The following SUMF1 variants were observed in gnomAD, a reference collection of about 807,000 sequenced individuals.
The protein encoded by SUMF1 is formylglycine-generating enzyme.
A neutral mutation model predicts 47.6 loss-of-function variants in SUMF1; 48 were observed. That is an observed-to-expected ratio of 1.01 (90% CI 0.80 to 1.28). The LOEUF is 1.28. SUMF1 is among the 50% of genes most tolerant of loss of function. The pLI is 0.00. For missense variants in SUMF1, 571 were observed against 485.4 expected, an observed-to-expected ratio of 1.18 and a Z score of -1.66; for synonymous variants, 230 against 192.1, an observed-to-expected ratio of 1.20 and a Z score of -1.63.
rs576560360 is a variant in SUMF1 at position 4,380,478 on chromosome 3, T to G, written c.955-4089A>C. On this transcript the variant is annotated intron_variant, in intron 7 of 8. Coordinates refer to ENST00000272902, the MANE Select transcript of SUMF1 (RefSeq NM_182760.4). The stretch of plus-strand genomic sequence containing the variant: ...CTGAAAAACTACATACTGAATATTA[T>G]GCTGATTACCTGGGTGACAAAATTA... Among the ~76,000 whole-genome samples the G allele has an allele frequency of 1.8e-4, 28 of 152,316 alleles. No individual in the cohort carries two copies. In the South Asian group the frequency reaches 5.6e-3, roughly 30 times the overall value.
chr3:4,283,535 A>C (rs1048918589), intron 8 of SUMF1, among the ~76,000 whole-genome samples: 1 of 152,226 alleles, frequency 6.6e-6, no homozygotes, highest in African/African-American at 2.4e-5. Flanking sequence ...ACAAATTACA[A>C]TAACCTAAGT....
intron 8 of SUMF1, among the ~76,000 whole-genome samples, chr3:4,097,632 G>C (rs947921073): frequency 6.6e-6 from 1 of 152,000 alleles, no homozygotes; most frequent in Admixed American, 6.6e-5. Flanking sequence ...AATTCACAAC[G>C]CATGTGTTCT....
At chr3:4,294,385 AG>A (rs1466485560) in intron 8 of SUMF1, among the ~76,000 whole-genome samples, 2 of 152,194 alleles carry the variant, frequency 1.3e-5, no homozygotes, top group East Asian at 1.9e-4. Context: ...CAACACTGCA[AG>A]ACCCTATCTC....
At chr3:4,061,215 G>A (rs1296475703) in intron 9 of SUMF1, among the ~76,000 whole-genome samples, 1 of 152,062 alleles carries the variant, frequency 6.6e-6, no homozygotes, top group Non-Finnish European at 1.5e-5. Flanking sequence ...GGTTTCTTTT[G>A]AATAAACATA....
rs559121030 is a variant in SUMF1 at position 4,077,100 on chromosome 3, A to T, written c.1015-8355T>A. Among the ~76,000 whole-genome samples, 167 of 152,228 alleles carry T rather than the reference A, an allele frequency of 1.1e-3. 1 individual carries two copies. Among genetic ancestry groups the T allele is most frequent in the Admixed American group, 1.5e-3 (23 of 15,296 alleles). ...TTAGAGAAGTGCAAATCAAAACCAC[A>T]CTGAGATACCATCTCACACCAGTTA... is the stretch of plus-strand genomic sequence containing the variant. On this transcript the variant is annotated intron_variant and NMD_transcript_variant, in intron 8 of 12. Coordinates refer to the SUMF1 transcript ENST00000448413.
intron 8 of SUMF1, chr3:4,313,188 A>T: frequency 6.2e-7 from 1 of 1,614,074 alleles, no homozygotes; most frequent in Non-Finnish European, 8.5e-7. Flanking sequence ...CGCATAAAAA[A>T]GGCTGGGGAC....
intron 9 of SUMF1, among the ~76,000 whole-genome samples, chr3:4,051,103 T>C (rs1269801210): frequency 2.0e-5 from 3 of 147,502 alleles, no homozygotes; most frequent in African/African-American, 5.0e-5. Flanking sequence ...CAGGGCTAAA[T>C]ATACTACATT....
chr3:4,240,704 G>T (rs548821479), intron 8 of SUMF1, among the ~76,000 whole-genome samples: 1 of 151,896 alleles, frequency 6.6e-6, no homozygotes, highest in African/African-American at 2.4e-5. Context: ...TTCATAAAAT[G>T]TTATAAAGCT....
intron 3 of SUMF1, among the ~76,000 whole-genome samples, chr3:4,446,927 C>T (rs1702801089): frequency 1.3e-5 from 2 of 152,194 alleles, no homozygotes; most frequent in Admixed American, 1.3e-4. Context: ...CAAGATTAAA[C>T]TTTGCATGTA....
At chr3:4,310,078 T>C (rs146886679) in intron 8 of SUMF1, among the ~76,000 whole-genome samples, 177 of 152,346 alleles carry the variant, frequency 1.2e-3, no homozygotes, top group South Asian at 2.3e-3. Flanking sequence ...GCAGTGGTGT[T>C]TGTGTATCTA....
rs561860338 is a variant in SUMF1, at chr3:4,212,116, C to T, written c.1015-143371G>A. ...TTGTCTCTTCAAGTGGGTCCCTGAC[C>T]GCCGTGTATCCTGACTGGGAGACAC... is the stretch of plus-strand genomic sequence containing the variant. On this transcript the variant is annotated intron_variant and NMD_transcript_variant, in intron 8 of 12. Transcript: ENST00000448413. 1.2e-4 allele frequency among the ~76,000 whole-genome samples: 18 copies of T among 152,258 alleles called. 1 individual carries two copies. The South Asian group carries it at 2.1e-3, about 18-fold the overall frequency.
Position 4,454,458 on chromosome 3 carries a change from T to C in SUMF1, c.271-1409A>G, listed in dbSNP as rs76255927. Reference sequence around the variant, plus strand: ...AAGTGCTGATGAGGATGTGAAGAAATTGGAACCCTCACATATTGCTGGTAG... The same window carrying C: ...AAGTGCTGATGAGGATGTGAAGAAACTGGAACCCTCACATATTGCTGGTAG... On this transcript the variant is annotated intron_variant, in intron 1 of 8. Transcript: ENST00000272902. 1.5e-3 allele frequency among the ~76,000 whole-genome samples: 234 copies of C among 152,310 alleles called. 4 individuals are homozygous for C. In the East Asian group the frequency reaches 0.04, roughly 26 times the overall value.
intron 6 of SUMF1, among the ~76,000 whole-genome samples, chr3:4,412,382 A>T (rs1331136924): frequency 6.6e-6 from 1 of 152,232 alleles, no homozygotes; most frequent in African/African-American, 2.4e-5. Context: ...TCTCCTTTAC[A>T]AAAGTAGAGT....
At chr3:4,144,316 T>G (rs566211562) in intron 8 of SUMF1, among the ~76,000 whole-genome samples, 4 of 152,142 alleles carry the variant, frequency 2.6e-5, no homozygotes, top group African/African-American at 9.6e-5. Flanking sequence ...AAGAAAAGAA[T>G]AAGTATGTGG....
chr3:4,331,898 C>G (rs1699059514), intron 8 of SUMF1, among the ~76,000 whole-genome samples: 1 of 152,130 alleles, frequency 6.6e-6, no homozygotes, highest in African/African-American at 2.4e-5. Context: ...CAAAACAAAT[C>G]ATAGAAGCAA....
chr3:4,341,354 A>T (rs1699268819), intron 8 of SUMF1, among the ~76,000 whole-genome samples: 1 of 152,228 alleles, frequency 6.6e-6, no homozygotes, highest in South Asian at 2.1e-4. Flanking sequence ...TTAGAAAATA[A>T]TGACCCTGGT....
At chr3:4,435,223 A>G (rs1702359265) in intron 3 of SUMF1, among the ~76,000 whole-genome samples, 1 of 152,176 alleles carries the variant, frequency 6.6e-6, no homozygotes, top group Admixed American at 6.5e-5. Context: ...CACCGGGCCC[A>G]GACAAAGACT....
At chr3:4,229,918 C>T (rs1047734321) in intron 8 of SUMF1, among the ~76,000 whole-genome samples, 14 of 151,896 alleles carry the variant, frequency 9.2e-5, no homozygotes, top group South Asian at 2.1e-4. Context: ...GAGGCTGAGG[C>T]GGGAGGATCC....
intron 8 of SUMF1, among the ~76,000 whole-genome samples, chr3:4,232,831 G>C (rs533442087): frequency 2.6e-5 from 4 of 152,122 alleles, no homozygotes; most frequent in Non-Finnish European, 5.9e-5. Flanking sequence ...TCCAATGCAG[G>C]TGTTATGCCT....
Sources: allele counts gnomAD v4.1 joint callset (sites outside exome capture counted in the v4.1 genomes callset), GRCh38; gene constraint gnomAD v4.1.1; transcripts MANE v1.5; gene names NCBI Gene and HGNC (gene_info 2026-07-23, HGNC 2026-07-21).